The following SYCE1 variants were observed in gnomAD, a reference collection of about 807,000 sequenced individuals.
SYCE1 encodes cancer/testis antigen 76.
SYCE1 carries 37 observed loss-of-function variants against 55.1 expected under a neutral mutation model. That is an observed-to-expected ratio of 0.67 (90% CI 0.52 to 0.88). The LOEUF (loss-of-function observed/expected upper bound fraction) is 0.88, where lower values mean the gene tolerates loss of function less well. Among genes scored for constraint, SYCE1 ranks in the 40% least tolerant of loss-of-function variants. SYCE1 has a pLI of 0.00. For synonymous variants in SYCE1, 163 were observed against 159.4 expected (o/e 1.02, Z -0.17); for missense variants, 399 against 416.4 (o/e 0.96, Z 0.36).
chr10:133,557,895 G>A lies in SYCE1; in HGVS notation c.343C>T (p.His115Tyr). The A allele has an allele frequency of 6.2e-7, 1 of 1,614,116 alleles. No individual in the cohort carries two copies. The highest frequency in any genetic ancestry group is 8.5e-7 in the Non-Finnish European group (1 of 1,180,040). The change falls in exon 6 of 13, where the codon CAT (histidine) becomes TAT (tyrosine). Residue 115 changes from histidine (H) to tyrosine (Y), a missense_variant. Coordinates refer to ENST00000343131, the MANE Select transcript of SYCE1 (RefSeq NM_001143764.3). ...KQETLRILRL[H>Y]CQEKESEAHR... is the part of the protein sequence containing the mutation. Reference sequence around the variant, plus strand: ...GCCTCACTTTCCTTTTCCTGGCAATGCAGCCGGAGGATCCTCAGGGTCTCT... The same window carrying A: ...GCCTCACTTTCCTTTTCCTGGCAATACAGCCGGAGGATCCTCAGGGTCTCT...
rs1851633575 is a variant in SYCE1 at position 133,555,336 on chromosome 10, A to ACTT, written c.918+12_918+14dup. The ACTT allele has an allele frequency of 6.2e-7, 1 of 1,613,444 alleles. No homozygotes were observed. Among genetic ancestry groups the ACTT allele is most frequent in the African/African-American group, 1.3e-5 (1 of 74,910 alleles). ...TAGCTGTTTCTGTTCCCTGACGCCC[A>ACTT]CTTCTGGGGCTTACCACATCTCCTG... On this transcript the variant is annotated intron_variant, in intron 12 of 12. Coordinates refer to ENST00000343131, the MANE Select transcript of SYCE1 (RefSeq NM_001143764.3).
At chr10:133,565,407 C>A in intron 1 of SYCE1, 50 bp downstream of exon 1, 1 of 1,464,798 alleles carries the variant, frequency 6.8e-7, no homozygotes, top group Non-Finnish European at 9.1e-7. Flanking sequence ...CCCTGCCCCG[C>A]CTCGGCGAGG....
intron 6 of SYCE1, chr10:133,557,472 G>A: frequency 2.0e-6 from 1 of 494,950 alleles, no homozygotes; most frequent in Non-Finnish European, 3.6e-6. Flanking sequence ...TAAATCAGGA[G>A]GTGGAGAAAT....
intron 1 of SYCE1, chr10:133,560,888 A>G (rs573666555): frequency 6.6e-5 from 10 of 152,348 alleles, no homozygotes; most frequent in African/African-American, 2.4e-4. Flanking sequence ...CTTCTTACTC[A>G]GATAAATGCA....
chr10:133,555,722 A>AG lies in SYCE1; in HGVS notation c.720-16dup. 6.2e-7 allele frequency: 1 copy of AG among 1,607,144 alleles called. No homozygotes were observed. ...GAAACAGCTGCCTGGGGGGCCCAGT[A>AG]GGGGGTGGTCAGCACCGGCCACTCC... is the stretch of plus-strand genomic sequence containing the variant. On this transcript the variant is annotated splice_polypyrimidine_tract_variant and intron_variant, in intron 10 of 12. Coordinates refer to ENST00000343131, the MANE Select transcript of SYCE1 (RefSeq NM_001143764.3).
At chr10:133,556,174 A>G in intron 8 of SYCE1, 127 bp from the exon 9 acceptor site, 1 of 1,036,246 alleles carries the variant, frequency 9.7e-7, no homozygotes, top group East Asian at 2.6e-5. Flanking sequence ...CCCTCTGTGC[A>G]CACCAGCTAC....
At position 133,557,945 on chromosome 10, in the gene SYCE1, G is replaced by A. The variant is rs758153937; in HGVS notation, c.320-27C>T. ...TGTAGGGAGAGCAACAGGGCCCTAT[G>A]AGAACCTGTCAAGGTATTGGGTTTT... On this transcript the variant is annotated intron_variant, in intron 5 of 12. Coordinates refer to ENST00000343131, the MANE Select transcript of SYCE1 (RefSeq NM_001143764.3). The A allele has an allele frequency of 1.2e-5, 19 of 1,613,486 alleles. No homozygotes were observed. The Admixed American group carries it at 2.5e-4, about 21-fold the overall frequency.
Position 133,555,725 on chromosome 10 carries a change from G to A in SYCE1, c.720-18C>T, listed in dbSNP as rs766652903. 10 of 1,607,458 alleles carry A rather than the reference G, an allele frequency of 6.2e-6. No homozygotes were observed. In the East Asian group the frequency reaches 1.8e-4, roughly 29 times the overall value. On this transcript the variant is annotated intron_variant, in intron 10 of 12. Transcript: ENST00000343131. Reference sequence around the variant, plus strand: ...ACAGCTGCCTGGGGGGCCCAGTAGGGGGTGGTCAGCACCGGCCACTCCCTC... The same window carrying A: ...ACAGCTGCCTGGGGGGCCCAGTAGGAGGTGGTCAGCACCGGCCACTCCCTC...
upstream of SYCE1, among the ~76,000 whole-genome samples, chr10:133,567,262 T>G (rs1317507532): frequency 6.6e-6 from 1 of 151,188 alleles, no homozygotes; most frequent in East Asian, 1.9e-4. Context: ...GGGTCAAGTT[T>G]AGGGTTGGGG....
chr10:133,556,968 T>A, intron 7 of SYCE1, 99 bp downstream of exon 7: 1 of 1,484,080 alleles, frequency 6.7e-7, no homozygotes, highest in South Asian at 1.1e-5. Context: ...ACCTTGAATC[T>A]CCATGGCTCA....
chr10:133,565,517 A>G lies in SYCE1; in HGVS notation c.13T>C (p.Ser5Pro). ...GTGGGCTCGGCCTTCGATGTCAGGG[A>G]CCTCCCCGCCATTTCCTCTCAGCTC... MAGR[S>P]LTSKAEPTAG... The change falls in exon 1 of 13, where the codon TCC becomes CCC. Residue 5 changes from serine to proline, a missense_variant. Transcript: ENST00000343131. 1 of 1,547,820 alleles carries G rather than the reference A, an allele frequency of 6.5e-7. No individual in the cohort carries two copies.
chr10:133,562,282 TG>T lies in SYCE1; in HGVS notation c.74-2130del, dbSNP rs1325345945. Reference sequence around the variant, plus strand: ...TCCAATGTGTGTGTGTGTGTGTGTGTGTGTGTGTGTGTGTGTGTGTGTGTGT... The same window carrying T: ...TCCAATGTGTGTGTGTGTGTGTGTGTTGTGTGTGTGTGTGTGTGTGTGTGT... On this transcript the variant is annotated intron_variant, in intron 1 of 12. Transcript: ENST00000343131. Among the ~76,000 whole-genome samples, 26 of 119,560 alleles carry T rather than the reference TG, an allele frequency of 2.2e-4. 1 individual carries two copies. The South Asian group carries it at 8.0e-3, about 37-fold the overall frequency. 78.4% of individuals were successfully genotyped at this position (119,560 alleles called of 152,430 possible).
chr10:133,564,754 G>A (rs909699687), intron 1 of SYCE1, among the ~76,000 whole-genome samples: 1 of 152,182 alleles, frequency 6.6e-6, no homozygotes, highest in Non-Finnish European at 1.5e-5. Context: ...CAGGAGGGAC[G>A]TCACCGTACA....
upstream of SYCE1, among the ~76,000 whole-genome samples, chr10:133,565,957 C>G (rs28402799): frequency 6.6e-6 from 1 of 152,216 alleles, no homozygotes; most frequent in African/African-American, 2.4e-5. Flanking sequence ...CATGAGGTTG[C>G]GGCTCTGCGG....
At chr10:133,567,601 G>T (rs1368058974), upstream of SYCE1, among the ~76,000 whole-genome samples, 1 of 152,006 alleles carries the variant, frequency 6.6e-6, no homozygotes, top group Non-Finnish European at 1.5e-5. Context: ...AAGTCCTTTG[G>T]TCCATTTCAT....
chr10:133,556,812 C>G lies in SYCE1; in HGVS notation c.475G>C (p.Glu159Gln). The G allele has an allele frequency of 6.3e-7, 1 of 1,584,204 alleles. No homozygotes were observed. Among genetic ancestry groups the G allele is most frequent in the Non-Finnish European group, 8.6e-7 (1 of 1,165,034 alleles). ...NKQRQLRLAF[E>Q]EQLEDLMGQH... ...CCCATCAGATCTTCCAGCTGTTCCTCGAATGCCAACCTGGGAACCAACCAC... is the reference window on the plus strand; with the variant it reads ...CCCATCAGATCTTCCAGCTGTTCCTGGAATGCCAACCTGGGAACCAACCAC... Residue 159 changes from glutamate (E) to glutamine (Q), a missense_variant, in exon 8 of 13, where the codon GAG becomes CAG. Transcript: ENST00000343131.
chr10:133,565,269 A>G (rs891337382), intron 1 of SYCE1, among the ~76,000 whole-genome samples, 188 bp downstream of exon 1: 6 of 152,232 alleles, frequency 3.9e-5, no homozygotes, highest in African/African-American at 1.2e-4. Context: ...CAATGCTTTA[A>G]GACAAAGTGG....
intron 1 of SYCE1, among the ~76,000 whole-genome samples, chr10:133,562,828 A>G (rs1319071441): frequency 3.3e-5 from 5 of 152,124 alleles, no homozygotes; most frequent in African/African-American, 9.7e-5. Context: ...GAGCTCAGAG[A>G]TCCAGTTAAA....
upstream of SYCE1, among the ~76,000 whole-genome samples, chr10:133,567,141 T>G (rs1851963072): frequency 6.6e-6 from 1 of 150,710 alleles, no homozygotes; most frequent in Non-Finnish European, 1.5e-5. Context: ...GAGGTTAGGG[T>G]TAGGGGTCAG....
Sources: gnomAD v4.1 joint callset for allele counts (sites outside exome capture counted in the v4.1 genomes callset) on GRCh38, gnomAD v4.1.1 for gene constraint, MANE v1.5 for transcripts, NCBI Gene and HGNC (gene_info 2026-07-23, HGNC 2026-07-21) for gene names.